Variants in DEDD2 observed in about 807,000 individuals in gnomAD.
The protein encoded by DEDD2 is DNA-binding death effector domain-containing protein 2.
A neutral mutation model predicts 28.9 loss-of-function variants in DEDD2; 18 were observed. The ratio of observed to expected loss-of-function variants is 0.62; its 90% CI spans 0.43 to 0.92. The LOEUF is 0.92. DEDD2 is among the 40% of genes least tolerant of loss of function. The pLI is 0.00. For synonymous variants in DEDD2, 211 were observed against 206.1 expected, an observed-to-expected ratio of 1.02 and a Z score of -0.20; for missense variants, 411 against 463.3, an observed-to-expected ratio of 0.89 and a Z score of 1.04.
intron 4 of DEDD2, among the ~76,000 whole-genome samples, chr19:42,200,665 A>T (rs2035295977): frequency 6.6e-6 from 1 of 152,194 alleles, no homozygotes; most frequent in Non-Finnish European, 1.5e-5. Flanking sequence ...CCAAGAGGAG[A>T]GAAGGAAGCC....
intron 2 of DEDD2, 136 bp downstream of exon 2, chr19:42,216,544 T>G: frequency 1.1e-6 from 1 of 890,032 alleles, no homozygotes; most frequent in Non-Finnish European, 1.6e-6. Context: ...CTCATTGATA[T>G]TGTGGGAAGA....
At chr19:42,203,711 G>A (rs1169137845) in intron 4 of DEDD2, among the ~76,000 whole-genome samples, 4 of 152,238 alleles carry the variant, frequency 2.6e-5, no homozygotes, top group African/African-American at 9.6e-5. Context: ...GGCCAGGAAG[G>A]CCAGGCATGC....
In DEDD2 at chr19:42,199,812, G is replaced by T. The variant is rs559002560; in HGVS notation, c.607C>A (p.Arg203=). 1.2e-4 allele frequency: 188 copies of T among 1,595,942 alleles called. 3 individuals are homozygous for T. The South Asian group carries it at 2.0e-3, about 17-fold the overall frequency. ...GGCCCATGCTCGCAGTACTCTGCTC[G>T]AACCCGGAGCCGGATGTCTGCAGGG... ...KVTCDIRLRV[R]AEYCEHGPAL... Residue 203 remains arginine (R), a synonymous_variant, in exon 5 of 5, where the codon CGA becomes AGA. Transcript: ENST00000596251. The surrounding 1 kb of genome is among the most constrained non-coding windows in gnomAD (Gnocchi z 7.4).
intron 4 of DEDD2, among the ~76,000 whole-genome samples, chr19:42,204,771 C>T (rs1428526287): frequency 6.7e-6 from 1 of 149,072 alleles, no homozygotes; most frequent in Non-Finnish European, 1.5e-5. Flanking sequence ...CCCGCCCCCA[C>T]ACCAGGACCA....
intron 3 of DEDD2, among the ~76,000 whole-genome samples, chr19:42,210,939 G>A (rs1297276004): frequency 6.6e-6 from 1 of 151,320 alleles, no homozygotes; most frequent in Non-Finnish European, 1.5e-5. Context: ...GCGTGGTGGC[G>A]CCTACCTGTA....
intron 3 of DEDD2, among the ~76,000 whole-genome samples, chr19:42,210,410 T>G (rs549133605): frequency 1.1e-4 from 16 of 152,226 alleles, no homozygotes; most frequent in African/African-American, 3.9e-4. Flanking sequence ...CTTTTTTTTT[T>G]GAGACCGAGT....
chr19:42,213,131 A>C (rs2035832455), intron 3 of DEDD2, among the ~76,000 whole-genome samples: 1 of 152,184 alleles, frequency 6.6e-6, no homozygotes, highest in African/African-American at 2.4e-5. Flanking sequence ...AATGATACAA[A>C]CACATGAAGA....
intron 2 of DEDD2, 143 bp from the exon 3 acceptor site, chr19:42,215,395 G>C: frequency 9.5e-7 from 1 of 1,057,866 alleles, no homozygotes; most frequent in Non-Finnish European, 1.4e-6. Flanking sequence ...ACCTCCTGCA[G>C]AGGTTGCTCA....
chr19:42,216,955 A>T lies in DEDD2; in HGVS notation c.53T>A (p.Leu18Gln), dbSNP rs1252001191. ...AAGCGACAGCATCCCGTAGTAGTCCAGGCACTCATCCTCCTCCCAGCACGG... is the reference window on the plus strand; with the variant it reads ...AAGCGACAGCATCCCGTAGTAGTCCTGGCACTCATCCTCCTCCCAGCACGG... ...PAPCWEEDEC[L>Q]DYYGMLSLHR... The change falls in exon 2 of 5, where the codon CTG (leucine) becomes CAG (glutamine). Residue 18 changes from leucine to glutamine, a missense_variant. By Grantham distance (113) the Leu-to-Gln change is moderately radical. This residue lies in a region of DEDD2 where 282 missense variants were observed against 273.4 expected (regional missense o/e 1.03). Transcript: ENST00000596251. 1 of 1,602,476 alleles carries T rather than the reference A, an allele frequency of 6.2e-7. No individual in the cohort carries two copies. Among genetic ancestry groups the T allele is most frequent in the Admixed American group, 1.7e-5 (1 of 58,916 alleles).
intron 1 of DEDD2, 100 bp from the exon 2 acceptor site, chr19:42,217,145 G>A: frequency 1.1e-6 from 1 of 888,018 alleles, no homozygotes; most frequent in South Asian, 1.6e-5. Context: ...GCCGGGCAGG[G>A]CCGCTCCCGC....
intron 1 of DEDD2, 134 bp from the exon 2 acceptor site, chr19:42,217,179 C>T: frequency 1.5e-6 from 1 of 670,938 alleles, no homozygotes; most frequent in South Asian, 1.9e-5. Flanking sequence ...TCGGCCTCCC[C>T]CTCCCCCGGG....
intron 4 of DEDD2, among the ~76,000 whole-genome samples, chr19:42,206,133 C>T (rs1163766925): frequency 2.6e-5 from 4 of 151,126 alleles, no homozygotes. Context: ...CTGATCCTGT[C>T]ATTCAAATCC....
intron 3 of DEDD2, among the ~76,000 whole-genome samples, chr19:42,214,094 T>C (rs925544797): frequency 2.0e-5 from 3 of 152,208 alleles, no homozygotes; most frequent in Non-Finnish European, 2.9e-5. Context: ...TTAACAATTA[T>C]TGAACCTAAG....
At chr19:42,213,990 G>C (rs193022510) in intron 3 of DEDD2, among the ~76,000 whole-genome samples, 1 of 152,202 alleles carries the variant, frequency 6.6e-6, no homozygotes, top group East Asian at 1.9e-4. Flanking sequence ...CCTAATTTAG[G>C]GGTAAAGCAT....
At chr19:42,210,507 C>A (rs1401096597) in intron 3 of DEDD2, among the ~76,000 whole-genome samples, 1 of 152,008 alleles carries the variant, frequency 6.6e-6, no homozygotes, top group East Asian at 2.0e-4. Context: ...AATTCTCCTG[C>A]CTCAGGTTCC....
intron 4 of DEDD2, chr19:42,201,759 G>A (rs1379186081): frequency 1.6e-5 from 6 of 376,978 alleles, no homozygotes; most frequent in Non-Finnish European, 2.8e-5. Flanking sequence ...CCAACGCCCA[G>A]GGAAGCCTGC....
At chr19:42,205,396 C>T (rs1210947252) in intron 4 of DEDD2, among the ~76,000 whole-genome samples, 3 of 151,894 alleles carry the variant, frequency 2.0e-5, no homozygotes, top group Non-Finnish European at 2.9e-5. Flanking sequence ...TTGGGAGGCC[C>T]AGGCGGGTGG....
At position 42,217,088 on chromosome 19, in the gene DEDD2, G is replaced by A. The variant is rs902135927; in HGVS notation, c.-38-43C>T. The A allele has an allele frequency of 4.2e-6, 6 of 1,414,210 alleles. No individual in the cohort carries two copies. In the African/African-American group the frequency reaches 4.3e-5, roughly 10 times the overall value. 87.6% of individuals were successfully genotyped at this position (1,414,210 alleles called of 1,614,324 possible). ...GGGAGGGGGCAGTGGTCAGCGACGC[G>A]GAGGCCCGAACCCCACACCGCCAGC... On this transcript the variant is annotated intron_variant, in intron 1 of 4. Transcript: ENST00000596251.
chr19:42,209,742 A>C lies in DEDD2; in HGVS notation c.547T>G (p.Ser183Ala). The change falls in exon 4 of 5, where the codon TCA (serine) becomes GCA (alanine). Residue 183 changes from serine (S) to alanine (A), a missense_variant. Physicochemically the swap from Ser to Ala is moderately conservative, Grantham distance 99. This residue lies in a region of DEDD2 where 282 missense variants were observed against 273.4 expected (regional missense o/e 1.03). Coordinates refer to ENST00000596251, the MANE Select transcript of DEDD2 (RefSeq NM_133328.4). Reference sequence around the variant, plus strand: ...TCAGAGGAAGGTCTGGCGGGCTCTGACTGCTGCTGGGGTGCGGCTGGGGCC... The same window carrying C: ...TCAGAGGAAGGTCTGGCGGGCTCTGCCTGCTGCTGGGGTGCGGCTGGGGCC... ...RGAPAAPQQQ[S>A]EPARPSSEGK... 1 of 1,607,420 alleles carries C rather than the reference A, an allele frequency of 6.2e-7. No individual in the cohort carries two copies.
Sources: allele counts gnomAD v4.1 joint callset (sites outside exome capture counted in the v4.1 genomes callset), GRCh38; gene constraint gnomAD v4.1.1; regional missense constraint gnomAD v4.1.1; non-coding constraint Gnocchi (gnomAD v3.1); transcripts MANE v1.5; gene names NCBI Gene and HGNC (gene_info 2026-07-23, HGNC 2026-07-21).